Variants in PPM1D observed in about 807,000 individuals in gnomAD.
PPM1D encodes the protein protein phosphatase 1D.
Under a neutral mutation model 58.3 loss-of-function variants are expected in PPM1D, and 52 were observed. The observed-to-expected ratio is 0.89, with a 90% confidence interval of 0.71 to 1.12. The LOEUF is 1.12. Among genes scored for constraint, PPM1D ranks in the 50% most tolerant of loss-of-function variants. The probability of loss-of-function intolerance (pLI) is 0.00; values close to 1 mark genes in which losing one functional copy is unlikely to be tolerated. For missense variants in PPM1D, 564 were observed against 777.2 expected (o/e 0.73, Z 3.26); for synonymous variants, 278 against 285.1 (o/e 0.98, Z 0.25).
intron 4 of PPM1D, among the ~76,000 whole-genome samples, chr17:60,656,366 T>TG (rs771452888): frequency 2.6e-4 from 39 of 149,138 alleles, no homozygotes; most frequent in Non-Finnish European, 4.6e-4. Flanking sequence ...GGCAGAAGAA[T>TG]GGCATGAACC....
chr17:60,626,989 C>T (rs867180181), intron 2 of PPM1D, among the ~76,000 whole-genome samples: 7 of 152,186 alleles, frequency 4.6e-5, no homozygotes, highest in African/African-American at 7.2e-5. Flanking sequence ...TTTTTTCCCA[C>T]ATTAATGTGT....
At chr17:60,624,802 A>G (rs2030772925) in intron 2 of PPM1D, among the ~76,000 whole-genome samples, 1 of 151,684 alleles carries the variant, frequency 6.6e-6, no homozygotes, top group Middle Eastern at 3.2e-3. Flanking sequence ...AGAAAAAAGA[A>G]TTAGCATCCT....
chr17:60,614,342 A>G (rs1045296624), intron 1 of PPM1D, among the ~76,000 whole-genome samples: 1 of 151,934 alleles, frequency 6.6e-6, no homozygotes, highest in Non-Finnish European at 1.5e-5. Flanking sequence ...GTCTAGCTCA[A>G]GGTTTGTAAA....
intron 1 of PPM1D, among the ~76,000 whole-genome samples, chr17:60,616,321 G>C (rs1484749313): frequency 1.3e-5 from 2 of 150,680 alleles, no homozygotes; most frequent in African/African-American, 4.9e-5. Context: ...AAAAAGAAAA[G>C]AAAAAGGCCA....
chr17:60,648,139 G>T, intron 4 of PPM1D, 57 bp downstream of exon 4: 5 of 1,534,562 alleles, frequency 3.3e-6, no homozygotes, highest in South Asian at 2.5e-5. Context: ...TGGTACTTCT[G>T]TCAGAATCTT....
rs2031308669 is a variant in PPM1D, at chr17:60,649,645, T to G, written c.1017+1563T>G. Among the ~76,000 whole-genome samples the G allele has an allele frequency of 2.6e-5, 4 of 151,398 alleles. No individual in the cohort carries two copies. The South Asian group carries it at 8.3e-4, about 32-fold the overall frequency. ...CAGAGGTCGCAGTGAGCCAAGATCA[T>G]GCCATTGCACTCCAGCCTGGGCAAT... On this transcript the variant is annotated intron_variant, in intron 4 of 5. Transcript: ENST00000305921.
chr17:60,605,284 G>A (rs1318462168), intron 1 of PPM1D, among the ~76,000 whole-genome samples: 1 of 152,194 alleles, frequency 6.6e-6, no homozygotes, highest in African/African-American at 2.4e-5. Flanking sequence ...AGTGAAAAGG[G>A]CAAATAAACT....
At chr17:60,626,551 C>T (rs550547853) in intron 2 of PPM1D, among the ~76,000 whole-genome samples, 2 of 151,922 alleles carry the variant, frequency 1.3e-5, no homozygotes, top group East Asian at 1.9e-4. Flanking sequence ...CCTGCCACCA[C>T]GCCCGGCTAA....
At chr17:60,606,999 AT>A (rs996101204) in intron 1 of PPM1D, among the ~76,000 whole-genome samples, 2,414 of 142,982 alleles carry the variant, frequency 0.017, 62 homozygotes, top group African/African-American at 0.058. Context: ...TTTTTTTTTA[AT>A]TTTTTTTTTT....
intron 4 of PPM1D, among the ~76,000 whole-genome samples, chr17:60,655,862 C>T (rs1026585558): frequency 2.6e-5 from 4 of 151,508 alleles, no homozygotes; most frequent in African/African-American, 4.8e-5. Flanking sequence ...CCGTCGCGCC[C>T]GGCTAATTTT....
intron 1 of PPM1D, among the ~76,000 whole-genome samples, chr17:60,602,779 GAAAAA>G (rs34932283): frequency 1.0e-5 from 1 of 95,744 alleles, no homozygotes; most frequent in Non-Finnish European, 2.1e-5. Context: ...CTCAAAGCTT[GAAAAA>G]AAAAAAAAAA....
rs572740087 is a variant in PPM1D, at chr17:60,663,816, G to A, written c.*264G>A. 1 of 390,194 alleles carries A rather than the reference G, an allele frequency of 2.6e-6. No homozygotes were observed. The highest frequency in any genetic ancestry group is 3.5e-5 in the South Asian group (1 of 28,350). 24.2% of individuals were successfully genotyped at this position (390,194 alleles called of 1,614,324 possible). A position where few individuals can be genotyped will look rare whatever the true frequency, so the allele number is the denominator to read the frequency against. Reference sequence around the variant, plus strand: ...AGTCTCTGAATACACAGTATTCAGAGTCTCTGATACACAGTAATTGTGACA... The same window carrying A: ...AGTCTCTGAATACACAGTATTCAGAATCTCTGATACACAGTAATTGTGACA... On this transcript the variant is annotated 3_prime_UTR_variant, in exon 6 of 6. Transcript: ENST00000305921.
intron 5 of PPM1D, among the ~76,000 whole-genome samples, chr17:60,660,274 T>G (rs2031504303): frequency 6.6e-6 from 1 of 151,982 alleles, no homozygotes; most frequent in Non-Finnish European, 1.5e-5. Context: ...AGGCGGAGGT[T>G]GCATTGAGCC....
At position 60,648,015 on chromosome 17, in the gene PPM1D, G is replaced by A. The variant is rs1467939594; in HGVS notation, c.950G>A (p.Trp317Ter). The stretch of plus-strand genomic sequence containing the variant: ...ATTATATTGGGGAGTGATGGACTTT[G>A]GAATATGATTCCACCACAAGATGCC... Reference protein sequence around the residue: ...KYIILGSDGLWNMIPPQDAIS... With the variant: ...KYIILGSDGL Residue 317 changes from tryptophan to a stop codon, truncating the protein, a stop_gained, in exon 4 of 6, where the codon TGG (tryptophan) becomes TAG (stop). Transcript: ENST00000305921. LOFTEE classifies it high-confidence loss of function. 1 of 1,613,952 alleles carries A rather than the reference G, an allele frequency of 6.2e-7. No homozygotes were observed. The highest frequency in any genetic ancestry group is 1.1e-5 in the South Asian group (1 of 91,062).
At chr17:60,623,142 T>G (rs1267471560) in intron 1 of PPM1D, among the ~76,000 whole-genome samples, 1 of 152,136 alleles carries the variant, frequency 6.6e-6, no homozygotes, top group Non-Finnish European at 1.5e-5. Context: ...AGTAAACAGA[T>G]GCTAAGTGGC....
At chr17:60,628,813 A>C (rs2030864153) in intron 2 of PPM1D, among the ~76,000 whole-genome samples, 1 of 152,092 alleles carries the variant, frequency 6.6e-6, no homozygotes. Flanking sequence ...ACACCCTGAA[A>C]AAGTCTGTAG....
intron 4 of PPM1D, among the ~76,000 whole-genome samples, chr17:60,649,931 A>T (rs1022376438): frequency 2.0e-5 from 3 of 152,218 alleles, no homozygotes; most frequent in African/African-American, 7.2e-5. Flanking sequence ...ATCATGTATC[A>T]AAGAGTAACA....
chr17:60,600,916 C>G (rs1387460509), intron 1 of PPM1D, 30 bp downstream of exon 1: 4 of 1,612,438 alleles, frequency 2.5e-6, no homozygotes, highest in African/African-American at 1.3e-5. Flanking sequence ...TGGCGCCCGC[C>G]CCTTTTTCAG....
intron 2 of PPM1D, among the ~76,000 whole-genome samples, chr17:60,627,547 G>A (rs1305315044): frequency 2.0e-5 from 3 of 151,762 alleles, no homozygotes; most frequent in Non-Finnish European, 4.4e-5. Flanking sequence ...TCAGCCTCCT[G>A]AGTAGCTGGG....
Sources: allele counts gnomAD v4.1 joint callset (sites outside exome capture counted in the v4.1 genomes callset), GRCh38; gene constraint gnomAD v4.1.1; transcripts MANE v1.5; gene names NCBI Gene and HGNC (gene_info 2026-07-23, HGNC 2026-07-21).